PRKG2: variants seen among roughly 807,000 people sequenced by gnomAD.
The protein encoded by PRKG2 is protein kinase cGMP-dependent 2.
In PRKG2, 33 loss-of-function variants were observed where a neutral mutation model predicts 97.2. The observed-to-expected ratio is 0.34, with a 90% CI of 0.26 to 0.45. PRKG2 has a LOEUF of 0.45. Among genes scored for constraint, PRKG2 ranks in the 20% least tolerant of loss-of-function variants. PRKG2 has a pLI of 1.00. For synonymous variants in PRKG2, 330 were observed against 321.8 expected (o/e 1.03, Z -0.27); for missense variants, 638 against 900.0 (o/e 0.71, Z 3.73).
chr4:81,116,239 T>C (rs1023192983), intron 14 of PRKG2, among the ~76,000 whole-genome samples: 8 of 152,152 alleles, frequency 5.3e-5, no homozygotes, highest in African/African-American at 1.7e-4. Flanking sequence ...TTTGTGTCCA[T>C]ATATACTCAA....
At position 81,161,335 on chromosome 4, in the gene PRKG2, C is replaced by G. The variant is rs1210587617; in HGVS notation, c.912+5826G>C. Among the ~76,000 whole-genome samples, 3 of 152,188 alleles carry G rather than the reference C, an allele frequency of 2.0e-5. No individual in the cohort carries two copies. The East Asian group carries it at 5.8e-4, about 29-fold the overall frequency. ...TCAACCCATAAAATTAAAGTAACAA[C>G]CCATATCTTCAAAGATTTAGGAAAG... On this transcript the variant is annotated intron_variant, in intron 6 of 18. Coordinates refer to ENST00000264399, the MANE Select transcript of PRKG2 (RefSeq NM_006259.3).
At chr4:81,141,300 C>G (rs1344471335) in intron 11 of PRKG2, among the ~76,000 whole-genome samples, 1 of 152,040 alleles carries the variant, frequency 6.6e-6, no homozygotes, top group Non-Finnish European at 1.5e-5. Flanking sequence ...CATGAGCCAC[C>G]GCACCCAGCC....
chr4:81,167,288 C>T, intron 5 of PRKG2, 64 bp from the exon 6 acceptor site: 1 of 1,039,136 alleles, frequency 9.6e-7, no homozygotes. Flanking sequence ...TACACATATG[C>T]AGATTCTAAA....
chr4:81,104,035 A>AAAAC (rs71664829), intron 17 of PRKG2, among the ~76,000 whole-genome samples: 17,810 of 151,802 alleles, frequency 0.12, 1,468 homozygotes, highest in African/African-American at 0.23. Context: ...TGTCATAAGA[A>AAAAC]AAACAAACAA....
chr4:81,104,092 G>T (rs1743086908), intron 17 of PRKG2, among the ~76,000 whole-genome samples: 1 of 151,948 alleles, frequency 6.6e-6, no homozygotes. Flanking sequence ...AGACAGAAGT[G>T]GATAAAAAGT....
intron 2 of PRKG2, among the ~76,000 whole-genome samples, chr4:81,181,844 A>C (rs1751441447): frequency 6.6e-6 from 1 of 152,014 alleles, no homozygotes; most frequent in South Asian, 2.1e-4. Flanking sequence ...ACATCATTTA[A>C]AATAGTTTCA....
chr4:81,135,947 A>G (rs2110028867), intron 13 of PRKG2, among the ~76,000 whole-genome samples: 1 of 152,202 alleles, frequency 6.6e-6, no homozygotes, highest in Non-Finnish European at 1.5e-5. Flanking sequence ...ATCCTTGAGA[A>G]AGTTGTTTAA....
intron 11 of PRKG2, among the ~76,000 whole-genome samples, chr4:81,142,012 A>T (rs1013798557): frequency 6.6e-6 from 1 of 152,164 alleles, no homozygotes; most frequent in Non-Finnish European, 1.5e-5. Context: ...AGGTATGGTG[A>T]ATCCTTAAAA....
intron 14 of PRKG2, among the ~76,000 whole-genome samples, chr4:81,131,674 T>A (rs573793170): frequency 4.1e-4 from 63 of 152,316 alleles, no homozygotes; most frequent in Non-Finnish European, 7.4e-4. Context: ...GTATATGGTT[T>A]GTGGTGGGAT....
At chr4:81,160,894 C>A (rs1749547152) in intron 6 of PRKG2, among the ~76,000 whole-genome samples, 1 of 152,108 alleles carries the variant, frequency 6.6e-6, no homozygotes. Context: ...AACTGTCCAC[C>A]TCTACTTTGC....
intron 1 of PRKG2, among the ~76,000 whole-genome samples, chr4:81,212,663 TAAAG>T (rs1175852012): frequency 6.6e-6 from 1 of 152,050 alleles, no homozygotes; most frequent in African/African-American, 2.4e-5. Context: ...CAAGAAAAGC[TAAAG>T]AAAGAGGAAA....
intron 6 of PRKG2, among the ~76,000 whole-genome samples, chr4:81,163,488 T>C (rs1749738436): frequency 6.6e-6 from 1 of 152,178 alleles, no homozygotes; most frequent in Admixed American, 6.6e-5. Context: ...CAAGAGCAGG[T>C]ACACATATTT....
chr4:81,101,966 T>G (rs1742847983), intron 17 of PRKG2, among the ~76,000 whole-genome samples: 1 of 152,152 alleles, frequency 6.6e-6, no homozygotes, highest in Non-Finnish European at 1.5e-5. Context: ...GATCAAGTTT[T>G]CTGATGTTCC....
At chr4:81,091,315 CT>C (rs1461717479) in intron 18 of PRKG2, among the ~76,000 whole-genome samples, 1 of 152,108 alleles carries the variant, frequency 6.6e-6, no homozygotes, top group Non-Finnish European at 1.5e-5. Flanking sequence ...CGGAGTCTTG[CT>C]CTGTCATCCA....
intron 17 of PRKG2, among the ~76,000 whole-genome samples, chr4:81,102,347 T>C (rs191476679): frequency 2.1e-4 from 32 of 152,310 alleles, no homozygotes; most frequent in Non-Finnish European, 3.7e-4. Context: ...TTCCCAGCTA[T>C]GCCAAAGCAT....
At chr4:81,195,533 T>G (rs1014888517) in intron 2 of PRKG2, among the ~76,000 whole-genome samples, 1 of 152,170 alleles carries the variant, frequency 6.6e-6, no homozygotes, top group Non-Finnish European at 1.5e-5. Context: ...GTACCTATTA[T>G]ATATTCCCTG....
chr4:81,123,646 C>T (rs1001276919), intron 14 of PRKG2, among the ~76,000 whole-genome samples: 5 of 152,280 alleles, frequency 3.3e-5, no homozygotes, highest in South Asian at 2.1e-4. Context: ...CCTCATGATC[C>T]GCTCGCCTCA....
intron 14 of PRKG2, among the ~76,000 whole-genome samples, chr4:81,120,739 T>C (rs56371568): frequency 0.039 from 5,951 of 152,298 alleles, 410 homozygotes; most frequent in African/African-American, 0.14. Flanking sequence ...ATCATATCAT[T>C]TGTGAGCAAA....
At position 81,154,518 on chromosome 4, in the gene PRKG2, T is replaced by C. The variant is rs1006644871; in HGVS notation, c.913-797A>G. ...CCCCCAGCAGGGGCACACTGACACC[T>C]CACACGGCAGGGTACTCCAACAGAC... On this transcript the variant is annotated intron_variant, in intron 6 of 18. Coordinates refer to ENST00000264399, the MANE Select transcript of PRKG2 (RefSeq NM_006259.3). Among the ~76,000 whole-genome samples, 12 of 106,104 alleles carry C rather than the reference T, an allele frequency of 1.1e-4. 1 individual carries two copies. Among genetic ancestry groups the C allele is most frequent in the African/African-American group, 1.1e-3 (12 of 10,992 alleles). 69.6% of individuals were successfully genotyped at this position (106,104 alleles called of 152,430 possible).
Sources: gnomAD v4.1 joint callset for allele counts (sites outside exome capture counted in the v4.1 genomes callset) on GRCh38, gnomAD v4.1.1 for gene constraint, MANE v1.5 for transcripts, NCBI Gene and HGNC (gene_info 2026-07-23, HGNC 2026-07-21) for gene names.